Variants in TMEM108 observed in about 807,000 individuals in gnomAD.
TMEM108 encodes the protein transmembrane protein 108, also known as cancer/testis antigen 124.
In TMEM108, 12 loss-of-function variants were observed where a neutral mutation model predicts 35.1. That is an observed-to-expected ratio of 0.34 (90% CI 0.22 to 0.55). TMEM108 has a LOEUF of 0.55. Ranked by LOEUF, TMEM108 falls within the 20% of genes least tolerant of loss-of-function variation. The probability of loss-of-function intolerance (pLI) is 0.89; values close to 1 mark genes in which losing one functional copy is unlikely to be tolerated. For synonymous variants in TMEM108, 287 were observed against 308.6 expected (o/e 0.93, Z 0.73); for missense variants, 680 against 753.3 (o/e 0.90, Z 1.14).
At chr3:133,304,133 C>T (rs1455672968) in intron 3 of TMEM108, among the ~76,000 whole-genome samples, 2 of 152,132 alleles carry the variant, frequency 1.3e-5, no homozygotes, top group African/African-American at 4.8e-5. Flanking sequence ...GAAAATGAAC[C>T]AGCATAATAC....
intron 2 of TMEM108, among the ~76,000 whole-genome samples, chr3:133,051,192 G>T (rs980532923): frequency 6.6e-6 from 1 of 152,034 alleles, no homozygotes; most frequent in African/African-American, 2.4e-5. Context: ...CAGCGTTTCA[G>T]ATTTTGGCCA....
intron 3 of TMEM108, among the ~76,000 whole-genome samples, chr3:133,267,036 G>C (rs113415168): frequency 6.7e-6 from 1 of 148,262 alleles, no homozygotes; most frequent in Non-Finnish European, 1.5e-5. Context: ...AGTCGAGATC[G>C]CGCCACTGCA....
intron 2 of TMEM108, among the ~76,000 whole-genome samples, chr3:133,215,332 T>C (rs1239006783): frequency 1.5e-5 from 2 of 137,066 alleles, no homozygotes; most frequent in African/African-American, 2.7e-5. Flanking sequence ...CCATATTTAA[T>C]AGTAAAATCA....
intron 3 of TMEM108, among the ~76,000 whole-genome samples, chr3:133,358,314 A>G (rs2072238528): frequency 6.6e-6 from 1 of 151,972 alleles, no homozygotes; most frequent in South Asian, 2.1e-4. Context: ...TGGGATTACA[A>G]GCGCGAACCA....
At chr3:133,210,939 C>T (rs988948925) in intron 2 of TMEM108, among the ~76,000 whole-genome samples, 3 of 152,018 alleles carry the variant, frequency 2.0e-5, no homozygotes, top group Admixed American at 6.6e-5. Context: ...ACCAGAAACA[C>T]GTATTAAAAC....
intron 3 of TMEM108, among the ~76,000 whole-genome samples, chr3:133,314,438 C>T (rs574947207): frequency 2.0e-5 from 3 of 152,282 alleles, no homozygotes; most frequent in South Asian, 4.1e-4. Context: ...AATGATGGAA[C>T]GCAATTTCCA....
At chr3:133,193,606 A>T (rs2107817331) in intron 2 of TMEM108, among the ~76,000 whole-genome samples, 1 of 151,986 alleles carries the variant, frequency 6.6e-6, no homozygotes. Flanking sequence ...TGAAGCCATC[A>T]GTGAAACAGT....
At chr3:133,265,380 T>G (rs72976191) in intron 3 of TMEM108, among the ~76,000 whole-genome samples, 18 of 152,192 alleles carry the variant, frequency 1.2e-4, no homozygotes, top group African/African-American at 4.3e-4. Context: ...ACACATACTT[T>G]GGGTTGAATG....
intron 2 of TMEM108, among the ~76,000 whole-genome samples, chr3:133,191,387 A>G (rs1399354090): frequency 6.6e-6 from 1 of 152,190 alleles, no homozygotes; most frequent in Non-Finnish European, 1.5e-5. Flanking sequence ...TTCTCCTCTG[A>G]AGTTTTGAGA....
intron 2 of TMEM108, among the ~76,000 whole-genome samples, chr3:133,137,157 T>G (rs1366413942): frequency 2.0e-5 from 3 of 152,172 alleles, no homozygotes; most frequent in African/African-American, 7.2e-5. Flanking sequence ...TGGTGACATA[T>G]GTGAACGCAT....
chr3:133,159,131 C>G (rs1944924107), intron 2 of TMEM108, among the ~76,000 whole-genome samples: 1 of 152,194 alleles, frequency 6.6e-6, no homozygotes, highest in Non-Finnish European at 1.5e-5. Flanking sequence ...TCCTTGGTTT[C>G]TGATAGATCA....
intron 3 of TMEM108, among the ~76,000 whole-genome samples, chr3:133,338,415 C>G (rs1370697144): frequency 6.6e-6 from 1 of 152,068 alleles, no homozygotes; most frequent in East Asian, 1.9e-4. Flanking sequence ...ATTTAAAGTA[C>G]TGAAGGAAAA....
At chr3:133,278,530 A>C (rs1261388421) in intron 3 of TMEM108, among the ~76,000 whole-genome samples, 1 of 152,248 alleles carries the variant, frequency 6.6e-6, no homozygotes, top group Non-Finnish European at 1.5e-5. Context: ...TATACTACAC[A>C]CCTACGCTCT....
chr3:133,142,832 A>G (rs1290550028), intron 2 of TMEM108, among the ~76,000 whole-genome samples: 2 of 152,200 alleles, frequency 1.3e-5, no homozygotes, highest in African/African-American at 4.8e-5. Context: ...TAAATGCTTT[A>G]CATGTCTCAA....
intron 2 of TMEM108, among the ~76,000 whole-genome samples, chr3:133,096,493 G>A (rs1282979874): frequency 6.6e-6 from 1 of 152,272 alleles, no homozygotes; most frequent in Non-Finnish European, 1.5e-5. Flanking sequence ...GGAGATGAGA[G>A]AGACTCATAG....
chr3:133,217,155 G>GT (rs1945921124), intron 2 of TMEM108, among the ~76,000 whole-genome samples: 2 of 151,924 alleles, frequency 1.3e-5, no homozygotes, highest in African/African-American at 2.4e-5. Flanking sequence ...TTGTGGTTTT[G>GT]ATTTGTATCT....
chr3:133,299,492 G>A (rs1326263475), intron 3 of TMEM108, among the ~76,000 whole-genome samples: 1 of 152,128 alleles, frequency 6.6e-6, no homozygotes, highest in Non-Finnish European at 1.5e-5. Context: ...GCAAGCATAG[G>A]TTTTCCCTTC....
At chr3:133,177,093 A>G (rs201610755) in intron 2 of TMEM108, among the ~76,000 whole-genome samples, 5 of 152,152 alleles carry the variant, frequency 3.3e-5, no homozygotes. Context: ...CTCGATACAT[A>G]CACCCTCCCA....
At chr3:133,216,496 A>G (rs1192483170) in intron 2 of TMEM108, among the ~76,000 whole-genome samples, 1 of 152,078 alleles carries the variant, frequency 6.6e-6, no homozygotes. Flanking sequence ...CAAGAATACA[A>G]TATGTTATTA....
Sources: gnomAD v4.1 joint callset for allele counts (sites outside exome capture counted in the v4.1 genomes callset) on GRCh38, gnomAD v4.1.1 for gene constraint, MANE v1.5 for transcripts, NCBI Gene and HGNC (gene_info 2026-07-23, HGNC 2026-07-21) for gene names.